SIPA1L3: variants seen among roughly 807,000 people sequenced by gnomAD.
SIPA1L3 encodes signal induced proliferation associated 1 like 3.
A neutral mutation model predicts 150.1 loss-of-function variants in SIPA1L3; 59 were observed. That is an observed-to-expected ratio of 0.39 (90% confidence interval 0.32 to 0.49). The LOEUF is 0.49. Among genes scored for constraint, SIPA1L3 ranks in the 20% least tolerant of loss-of-function variants. The pLI is 0.86. For synonymous variants in SIPA1L3, 1,070 were observed against 1,077.6 expected, an observed-to-expected ratio of 0.99 and a Z score of 0.14; for missense variants, 2,211 against 2,489.5, an observed-to-expected ratio of 0.89 and a Z score of 2.38.
chr19:37,954,877 A>T (rs1395621542), intron 1 of SIPA1L3, among the ~76,000 whole-genome samples: 1 of 152,180 alleles, frequency 6.6e-6, no homozygotes, highest in Non-Finnish European at 1.5e-5. Flanking sequence ...TCTTGAGGCC[A>T]GGAGTTCGAG....
chr19:38,143,267 C>T (rs1032736326), intron 12 of SIPA1L3, among the ~76,000 whole-genome samples: 1 of 152,176 alleles, frequency 6.6e-6, no homozygotes, highest in Non-Finnish European at 1.5e-5. Context: ...CTTCAGCCCT[C>T]GTGCCCTCTG....
At chr19:37,953,110 G>A (rs2046779394) in intron 1 of SIPA1L3, among the ~76,000 whole-genome samples, 1 of 152,214 alleles carries the variant, frequency 6.6e-6, no homozygotes, top group Non-Finnish European at 1.5e-5. Flanking sequence ...TGTAGTCCCA[G>A]CTACTCAGGA....
At chr19:38,079,496 C>CG (rs1969928362) in intron 2 of SIPA1L3, among the ~76,000 whole-genome samples, 1 of 151,500 alleles carries the variant, frequency 6.6e-6, no homozygotes, top group Non-Finnish European at 1.5e-5. Context: ...TCCAGAAGAC[C>CG]GGGCTTCTCT....
rs141222599 is a variant in SIPA1L3 at position 38,005,063 on chromosome 19, T to G, written c.-378-24026T>G. Among the ~76,000 whole-genome samples, 148 of 152,242 alleles carry G rather than the reference T, an allele frequency of 9.7e-4. 2 individuals carry two copies. In the East Asian group the frequency reaches 0.019, roughly 20 times the overall value. ...AACCGGGGCCGAGGAAAGGGTTCTT[T>G]TGACAGGCTCAGCTGAGTCAGATGT... On this transcript the variant is annotated intron_variant, in intron 1 of 21. Coordinates refer to ENST00000222345, the MANE Select transcript of SIPA1L3 (RefSeq NM_015073.3).
chr19:38,116,536 A>AAAAG (rs1336925509), intron 8 of SIPA1L3, among the ~76,000 whole-genome samples: 19 of 149,162 alleles, frequency 1.3e-4, no homozygotes, highest in East Asian at 2.0e-4. Flanking sequence ...AAAAAAAAAA[A>AAAAG]AAAAAGAAAG....
At chr19:37,999,501 T>C (rs1330772582) in intron 1 of SIPA1L3, among the ~76,000 whole-genome samples, 4 of 152,168 alleles carry the variant, frequency 2.6e-5, no homozygotes, top group African/African-American at 4.8e-5. Context: ...AAGTGAGTGG[T>C]GGGCTGGGTT....
intron 13 of SIPA1L3, among the ~76,000 whole-genome samples, chr19:38,153,196 G>A (rs745766147): frequency 5.3e-5 from 8 of 152,212 alleles, no homozygotes; most frequent in South Asian, 2.1e-4. Flanking sequence ...GTCTGCTCCC[G>A]CTGATAAGGC....
At chr19:37,937,164 G>A (rs1421743888) in intron 1 of SIPA1L3, among the ~76,000 whole-genome samples, 1 of 152,080 alleles carries the variant, frequency 6.6e-6, no homozygotes, top group East Asian at 1.9e-4. Context: ...TACCTGGCCT[G>A]TATTAACTTT....
At chr19:37,944,557 C>T (rs2047107789) in intron 1 of SIPA1L3, among the ~76,000 whole-genome samples, 1 of 152,090 alleles carries the variant, frequency 6.6e-6, no homozygotes, top group Non-Finnish European at 1.5e-5. Context: ...TAAGGATTTA[C>T]CCTGTTAATG....
chr19:37,950,670 C>A (rs2046755384), intron 1 of SIPA1L3, among the ~76,000 whole-genome samples: 1 of 139,740 alleles, frequency 7.2e-6, no homozygotes, highest in African/African-American at 2.5e-5. Flanking sequence ...CGGGGCCCTT[C>A]TGTGCCGAGA....
At chr19:38,120,108 A>G (rs1970982857) in intron 9 of SIPA1L3, among the ~76,000 whole-genome samples, 1 of 152,152 alleles carries the variant, frequency 6.6e-6, no homozygotes, top group Non-Finnish European at 1.5e-5. Context: ...TACCTTGGAA[A>G]GACAAGAGAT....
chr19:38,152,931 A>G lies in SIPA1L3; in HGVS notation c.3625A>G (p.Thr1209Ala). ...SSGDSSSGGL[T>A]SQESTMERQK... is the part of the protein sequence containing the mutation. Reference sequence around the variant, plus strand: ...CGGCGACTCCTCTTCCGGCGGCCTGACCAGCCAGGAGAGCACCATGGAACG... The same window carrying G: ...CGGCGACTCCTCTTCCGGCGGCCTGGCCAGCCAGGAGAGCACCATGGAACG... Residue 1209 changes from threonine (T) to alanine (A), a missense_variant, in exon 13 of 22, where the codon ACC becomes GCC. Coordinates refer to ENST00000222345, the MANE Select transcript of SIPA1L3 (RefSeq NM_015073.3). 6.2e-7 allele frequency: 1 copy of G among 1,613,522 alleles called. No individual in the cohort carries two copies. The highest frequency in any genetic ancestry group is 8.5e-7 in the Non-Finnish European group (1 of 1,179,832).
Position 37,968,197 on chromosome 19 carries a change from C to T in SIPA1L3, c.-379+60839C>T, listed in dbSNP as rs369650638. 3.0e-3 allele frequency among the ~76,000 whole-genome samples: 464 copies of T among 152,184 alleles called. 1 individual carries two copies. The highest frequency in any genetic ancestry group is 0.011 in the African/African-American group (438 of 41,510). On this transcript the variant is annotated intron_variant, in intron 1 of 21. Transcript: ENST00000222345. Reference sequence around the variant, plus strand: ...AAGCGATTCTCCTGCCTCAGCCTCCCGAGTAGCGGGGATTACAGGCACGCG... The same window carrying T: ...AAGCGATTCTCCTGCCTCAGCCTCCTGAGTAGCGGGGATTACAGGCACGCG...
chr19:38,001,245 G>A, intron 1 of SIPA1L3, among the ~76,000 whole-genome samples: 1 of 151,752 alleles, frequency 6.6e-6, no homozygotes, highest in East Asian at 1.9e-4. Context: ...GTGTACTTGA[G>A]GCCTATTAAA....
chr19:38,179,471 T>G (rs938564300), intron 15 of SIPA1L3, among the ~76,000 whole-genome samples: 1 of 152,098 alleles, frequency 6.6e-6, no homozygotes, highest in Admixed American at 6.6e-5. Flanking sequence ...TATATATAAT[T>G]TAGTATAACA....
At chr19:38,043,998 G>A (rs1002835974) in intron 2 of SIPA1L3, among the ~76,000 whole-genome samples, 3 of 152,198 alleles carry the variant, frequency 2.0e-5, no homozygotes, top group Non-Finnish European at 4.4e-5. Context: ...CCATGGTCCT[G>A]CCTGTGGGGG....
At chr19:37,950,664 GCCCTTCTGTGCCGAGA>G (rs138811987) in intron 1 of SIPA1L3, among the ~76,000 whole-genome samples, 6,426 of 152,280 alleles carry the variant, frequency 0.042, 196 homozygotes, top group South Asian at 0.091. Context: ...GCTGCGCGGG[GCCCTTCTGTGCCGAGA>G]CTGGCGCTTG....
At chr19:38,124,956 A>G (rs1474326265) in intron 9 of SIPA1L3, among the ~76,000 whole-genome samples, 3 of 89,730 alleles carry the variant, frequency 3.3e-5, no homozygotes, top group African/African-American at 5.7e-5. Context: ...GCAGCAGTAC[A>G]GTCCAGCTTC....
At chr19:38,188,840 G>A (rs1211348503) in intron 16 of SIPA1L3, among the ~76,000 whole-genome samples, 1 of 151,498 alleles carries the variant, frequency 6.6e-6, no homozygotes. Context: ...GGAGAATGGC[G>A]TGAACCTCGG....
Sources: gnomAD v4.1 joint callset for allele counts (sites outside exome capture counted in the v4.1 genomes callset) on GRCh38, gnomAD v4.1.1 for gene constraint, MANE v1.5 for transcripts, NCBI Gene and HGNC (gene_info 2026-07-23, HGNC 2026-07-21) for gene names.